The following SLIT3 variants were observed in gnomAD, a reference collection of about 807,000 sequenced individuals.
SLIT3 encodes the protein slit guidance ligand 3.
A neutral mutation model predicts 184.0 loss-of-function variants in SLIT3; 68 were observed. The ratio of observed to expected loss-of-function variants is 0.37; its 90% CI spans 0.30 to 0.45. SLIT3 has a LOEUF of 0.45. Ranked by LOEUF, SLIT3 falls within the 20% of genes least tolerant of loss-of-function variation. The pLI, the probability that SLIT3 is intolerant of heterozygous loss-of-function variation, is 1.00. For synonymous variants in SLIT3, 831 were observed against 828.6 expected (o/e 1.00, Z -0.05); for missense variants, 1,707 against 2,026.0 (o/e 0.84, Z 3.02).
At chr5:169,173,531 C>T (rs1351450227) in intron 4 of SLIT3, among the ~76,000 whole-genome samples, 1 of 151,908 alleles carries the variant, frequency 6.6e-6, no homozygotes, top group Non-Finnish European at 1.5e-5. Context: ...CACACCCTTC[C>T]TGAGTGTGCA....
intron 4 of SLIT3, among the ~76,000 whole-genome samples, chr5:169,189,819 CCA>C (rs968058873): frequency 6.6e-6 from 1 of 151,954 alleles, no homozygotes; most frequent in African/African-American, 2.4e-5. Flanking sequence ...AGTACCTATC[CCA>C]CAGAGTTGTT....
intron 4 of SLIT3, among the ~76,000 whole-genome samples, chr5:169,061,653 G>T (rs1223609889): frequency 6.6e-6 from 1 of 152,220 alleles, no homozygotes; most frequent in Non-Finnish European, 1.5e-5. Flanking sequence ...GTCCAGGCTA[G>T]CTTTGTTTCT....
chr5:168,990,016 T>C lies in SLIT3; in HGVS notation c.414-106680A>G, dbSNP rs112196817. Among the ~76,000 whole-genome samples the C allele has an allele frequency of 6.1e-3, 935 of 152,326 alleles. 13 individuals carry two copies. The highest frequency in any genetic ancestry group is 0.021 in the African/African-American group (891 of 41,566). On this transcript the variant is annotated intron_variant, in intron 4 of 35. Coordinates refer to ENST00000519560, the MANE Select transcript of SLIT3 (RefSeq NM_003062.4). ...AAAGTTCCACGGCCGCCTATCCTGC[T>C]ATTCATGTGGGTTCAGGACAGGGCC...
intron 4 of SLIT3, among the ~76,000 whole-genome samples, chr5:169,004,287 G>C (rs1399740029): frequency 1.3e-5 from 2 of 152,202 alleles, no homozygotes; most frequent in Non-Finnish European, 2.9e-5. Context: ...GTTCGGTTCT[G>C]CCATGCCCAG....
At chr5:168,794,256 G>A (rs1756487348) in intron 10 of SLIT3, among the ~76,000 whole-genome samples, 1 of 152,150 alleles carries the variant, frequency 6.6e-6, no homozygotes, top group Non-Finnish European at 1.5e-5. Flanking sequence ...AGGTGTGGGG[G>A]GATGTGAAAA....
At chr5:168,677,410 G>A (rs994551274) in intron 32 of SLIT3, among the ~76,000 whole-genome samples, 18 of 151,766 alleles carry the variant, frequency 1.2e-4, no homozygotes, top group African/African-American at 4.4e-4. Context: ...CCAAAGTGCT[G>A]GGGTTACAGG....
At chr5:168,872,768 G>A (rs1035251381) in intron 5 of SLIT3, among the ~76,000 whole-genome samples, 4 of 151,220 alleles carry the variant, frequency 2.6e-5, no homozygotes, top group African/African-American at 9.7e-5. Context: ...CCTCTCCCGA[G>A]TAGCTGGGAC....
At chr5:169,256,019 C>A (rs1344356462) in intron 1 of SLIT3, among the ~76,000 whole-genome samples, 1 of 152,214 alleles carries the variant, frequency 6.6e-6, no homozygotes, top group African/African-American at 2.4e-5. Flanking sequence ...CATATTCACC[C>A]ACCACTCACT....
intron 20 of SLIT3, among the ~76,000 whole-genome samples, chr5:168,746,656 G>GTGT (rs1754442420): frequency 1.0e-5 from 1 of 97,406 alleles, no homozygotes; most frequent in African/African-American, 3.8e-5. Flanking sequence ...GTGGGTGTGT[G>GTGT]GTGTGTGAGT....
At chr5:169,032,617 G>C (rs1291055002) in intron 4 of SLIT3, among the ~76,000 whole-genome samples, 1 of 134,028 alleles carries the variant, frequency 7.5e-6, no homozygotes, top group Admixed American at 7.6e-5. Context: ...TTTTTTCAGT[G>C]TAAAGAATAC....
At chr5:169,095,659 T>C (rs1318220779) in intron 4 of SLIT3, among the ~76,000 whole-genome samples, 1 of 152,124 alleles carries the variant, frequency 6.6e-6, no homozygotes, top group East Asian at 1.9e-4. Flanking sequence ...GGCCCTCTAT[T>C]GTGAAAAATG....
chr5:168,838,886 T>C (rs1979923), intron 6 of SLIT3, among the ~76,000 whole-genome samples: 39,376 of 151,968 alleles, frequency 0.26, 5,314 homozygotes, highest in South Asian at 0.35. Flanking sequence ...AACTCTTCAA[T>C]CTCTCCTCTC....
Position 168,829,117 on chromosome 5 carries a change from T to C in SLIT3, c.558-5786A>G, listed in dbSNP as rs560469161. 8.2e-4 allele frequency among the ~76,000 whole-genome samples: 125 copies of C among 152,328 alleles called. 1 individual carries two copies. Among genetic ancestry groups the C allele is most frequent in the Non-Finnish European group, 1.3e-3 (86 of 68,026 alleles). On this transcript the variant is annotated intron_variant, in intron 6 of 35. Transcript: ENST00000519560. ...TCCCTCAAGATAGCCATCTTTGATCTGGAGGAGACACGTCCAGCTGCAGCC... is the reference window on the plus strand; with the variant it reads ...TCCCTCAAGATAGCCATCTTTGATCCGGAGGAGACACGTCCAGCTGCAGCC...
intron 17 of SLIT3, among the ~76,000 whole-genome samples, chr5:168,753,379 G>A: frequency 6.6e-6 from 1 of 152,210 alleles, no homozygotes; most frequent in Non-Finnish European, 1.5e-5. Flanking sequence ...GCTAGGGTGT[G>A]CACACATATT....
intron 4 of SLIT3, among the ~76,000 whole-genome samples, chr5:169,137,801 G>A (rs1421769): frequency 0.33 from 50,407 of 151,642 alleles, 8,679 homozygotes; most frequent in Middle Eastern, 0.44. Context: ...AGCCAAACAC[G>A]CAGTCCCTCA....
Position 168,761,921 on chromosome 5 carries a change from A to AAT in SLIT3, c.1610+617_1610+618insAT, listed in dbSNP as rs1554139194. Among the ~76,000 whole-genome samples the AAT allele has an allele frequency of 4.7e-3, 519 of 110,504 alleles. 4 individuals carry two copies. Among genetic ancestry groups the AAT allele is most frequent in the African/African-American group, 0.017 (470 of 27,908 alleles). The allele number at this position is 110,504 out of a possible 152,430, so 72.5% of individuals were successfully genotyped here. On this transcript the variant is annotated intron_variant, in intron 15 of 35. Coordinates refer to ENST00000519560, the MANE Select transcript of SLIT3 (RefSeq NM_003062.4). ...CATGCCCAGCTAATAAAAAAAAAAA[A>AAT]TTTTTTTTTTTTTTTTGTAGAGACT...
chr5:169,090,127 G>A (rs1759514428), intron 4 of SLIT3, among the ~76,000 whole-genome samples: 1 of 152,176 alleles, frequency 6.6e-6, no homozygotes, highest in Admixed American at 6.5e-5. Context: ...GAGGGATAAA[G>A]GGAACGGGTG....
Position 169,078,094 on chromosome 5 carries a change from T to C in SLIT3, c.413+115385A>G, listed in dbSNP as rs577204799. On this transcript the variant is annotated intron_variant, in intron 4 of 35. Coordinates refer to ENST00000519560, the MANE Select transcript of SLIT3 (RefSeq NM_003062.4). Reference sequence around the variant, plus strand: ...ATGATCTGGGGCCTTGTGTTCATTTTGCTTCACCCACAGGGATCACATGCT... The same window carrying C: ...ATGATCTGGGGCCTTGTGTTCATTTCGCTTCACCCACAGGGATCACATGCT... Among the ~76,000 whole-genome samples, 13 of 152,274 alleles carry C rather than the reference T, an allele frequency of 8.5e-5. No individual in the cohort carries two copies. The East Asian group carries it at 1.4e-3, about 16-fold the overall frequency.
chr5:169,279,657 A>G lies in SLIT3; in HGVS notation c.197+20856T>C, dbSNP rs187557985. Among the ~76,000 whole-genome samples the G allele has an allele frequency of 2.0e-5, 3 of 152,338 alleles. No individual in the cohort carries two copies. The East Asian group carries it at 5.8e-4, about 29-fold the overall frequency. ...TATAAAAGGATATCATACATTTCAT[A>G]TTTTATTCATTTTATAATGTTATCC... On this transcript the variant is annotated intron_variant, in intron 1 of 35. Coordinates refer to ENST00000519560, the MANE Select transcript of SLIT3 (RefSeq NM_003062.4).
Sources: allele counts gnomAD v4.1 joint callset (sites outside exome capture counted in the v4.1 genomes callset), GRCh38; gene constraint gnomAD v4.1.1; transcripts MANE v1.5; gene names NCBI Gene and HGNC (gene_info 2026-07-23, HGNC 2026-07-21).